Variants in ALDH5A1 observed in about 807,000 individuals in gnomAD.
ALDH5A1 encodes the protein succinate-semialdehyde dehydrogenase, mitochondrial.
A neutral mutation model predicts 54.7 loss-of-function variants in ALDH5A1; 33 were observed. That is an observed-to-expected ratio of 0.60 (90% confidence interval 0.46 to 0.81). The LOEUF (loss-of-function observed/expected upper bound fraction) is 0.81, where lower values mean the gene tolerates loss of function less well. ALDH5A1 is among the 30% of genes least tolerant of loss of function. The pLI is 0.00. For synonymous variants in ALDH5A1, 294 were observed against 292.7 expected (o/e 1.00, Z -0.05); for missense variants, 657 against 711.0 (o/e 0.92, Z 0.86).
In ALDH5A1 at chr6:24,518,344, T is replaced by C. The variant is rs1368686539; in HGVS notation, c.871-2057T>C. On this transcript the variant is annotated intron_variant, in intron 5 of 9. Transcript: ENST00000357578. This position sits in a 1 kb window ranked among gnomAD's most constrained non-coding sequence, Gnocchi z 4.2. ...TAAGACATGACAGGAGTTTACACTA[T>C]ACCCAGTGGCCAGGGCAAGCCGCCT... Among the ~76,000 whole-genome samples, 2 of 152,164 alleles carry C rather than the reference T, an allele frequency of 1.3e-5. No homozygotes were observed. The highest frequency in any genetic ancestry group is 2.9e-5 in the Non-Finnish European group (2 of 68,028).
intron 6 of ALDH5A1, among the ~76,000 whole-genome samples, chr6:24,522,382 C>T (rs545050860): frequency 6.6e-6 from 1 of 151,094 alleles, no homozygotes; most frequent in Middle Eastern, 3.4e-3. Context: ...ATCACAGTCT[C>T]CTAGGAGAAT....
intron 4 of ALDH5A1, among the ~76,000 whole-genome samples, chr6:24,511,292 G>A (rs948076870): frequency 4.6e-5 from 7 of 152,278 alleles, no homozygotes; most frequent in African/African-American, 1.2e-4. Context: ...TGATGACAGC[G>A]TGCCTAGGGG....
chr6:24,512,581 T>C (rs1222594710), intron 4 of ALDH5A1, among the ~76,000 whole-genome samples: 1 of 152,260 alleles, frequency 6.6e-6, no homozygotes, highest in East Asian at 1.9e-4. Flanking sequence ...CCTCAGTTCA[T>C]GTTGGTTGTT....
At position 24,495,337 on chromosome 6, in the gene ALDH5A1, A is replaced by T; in HGVS notation, c.341A>T (p.Glu114Val). 6.5e-7 allele frequency: 1 copy of T among 1,532,650 alleles called. No homozygotes were observed. The highest frequency in any genetic ancestry group is 8.7e-7 in the Non-Finnish European group (1 of 1,146,228). The allele number at this position is 1,532,650 out of a possible 1,614,324, so 94.9% of individuals were successfully genotyped here. ...TACGAGGCTTTCTGCCGCTGGAGGG[A>T]GGTCTCCGCCAAGGTGAGAGAGCCC... ...AAYEAFCRWR[E>V]VSAKERSSLL... Residue 114 changes from glutamate to valine, a missense_variant, in exon 1 of 10, where the codon GAG (glutamate) becomes GTG (valine). Physicochemically the swap from Glu to Val is moderately radical, Grantham distance 121 (BLOSUM62 -2). Around this residue, in one of 2 missense-constraint regions of ALDH5A1, gnomAD observed 232 missense variants for 194.6 expected, o/e 1.19. Coordinates refer to ENST00000357578, the MANE Select transcript of ALDH5A1 (RefSeq NM_001080.3).
intron 4 of ALDH5A1, among the ~76,000 whole-genome samples, chr6:24,505,677 A>G (rs1759324674): frequency 6.6e-6 from 1 of 151,976 alleles, no homozygotes; most frequent in Non-Finnish European, 1.5e-5. Flanking sequence ...CTGTCTAAAA[A>G]TCACAATTTG....
chr6:24,534,181 C>A lies in ALDH5A1; in HGVS notation c.*469C>A. 5.3e-6 allele frequency: 1 copy of A among 189,262 alleles called. No homozygotes were observed. Among genetic ancestry groups the A allele is most frequent in the Non-Finnish European group, 1.1e-5 (1 of 89,144 alleles). 11.7% of individuals were successfully genotyped at this position (189,262 alleles called of 1,614,324 possible). A position where few individuals can be genotyped will look rare whatever the true frequency, so the allele number is the denominator to read the frequency against. On this transcript the variant is annotated 3_prime_UTR_variant, in exon 10 of 10. Transcript: ENST00000357578. ...CACCCCTCCCCGGCATCTGCCAGCT[C>A]AGCACAGAAGACACCGAATGTGCAT...
At chr6:24,514,448 G>A (rs1020540580) in intron 4 of ALDH5A1, among the ~76,000 whole-genome samples, 8 of 152,126 alleles carry the variant, frequency 5.3e-5, no homozygotes, top group African/African-American at 1.9e-4. Context: ...GCATTGAAAT[G>A]CATGCTCTGG....
At chr6:24,520,819 C>A (rs555323214) in intron 6 of ALDH5A1, among the ~76,000 whole-genome samples, 36 of 152,292 alleles carry the variant, frequency 2.4e-4, no homozygotes, top group African/African-American at 8.7e-4. Flanking sequence ...GGGGCCCCCC[C>A]AAAATAAGGT....
intron 1 of ALDH5A1, among the ~76,000 whole-genome samples, chr6:24,501,875 TTATATATA>T (rs59853869): frequency 0.018 from 2,584 of 144,216 alleles, 28 homozygotes; most frequent in South Asian, 0.03. Flanking sequence ...AACCAATGTT[TTATATATA>T]TATATATATA....
chr6:24,513,845 T>A (rs913004930), intron 4 of ALDH5A1, among the ~76,000 whole-genome samples: 1 of 152,262 alleles, frequency 6.6e-6, no homozygotes, highest in Non-Finnish European at 1.5e-5. Flanking sequence ...GGTGCTGATA[T>A]GACGGTCAGG....
Position 24,515,223 on chromosome 6 carries a change from A to G in ALDH5A1, c.783A>G (p.Arg261=), listed in dbSNP as rs761068786. The G allele has an allele frequency of 2.0e-5, 32 of 1,612,926 alleles. No homozygotes were observed. Among genetic ancestry groups the G allele is most frequent in the South Asian group, 3.3e-5 (3 of 91,060 alleles). Residue 261 remains arginine (R), a synonymous_variant, in exon 5 of 10, where the codon CGA becomes CGG. Coordinates refer to ENST00000357578, the MANE Select transcript of ALDH5A1 (RefSeq NM_001080.3). ...TATACAATGTTATTCCCTGTTCTCG[A>G]AAGAATGCCAAGGAAGTAGGGGAGG... ...SGVYNVIPCS[R]KNAKEVGEAI...
chr6:24,506,243 C>CTTTTTTTTTTTTTTTTTTTTTTT lies in ALDH5A1; in HGVS notation c.726+1266_726+1288dup, dbSNP rs70974913. 6.9e-4 allele frequency among the ~76,000 whole-genome samples: 36 copies of CTTTTTTTTTTTTTTTTTTTTTTT among 52,160 alleles called. 10 individuals are homozygous for CTTTTTTTTTTTTTTTTTTTTTTT. Among genetic ancestry groups the CTTTTTTTTTTTTTTTTTTTTTTT allele is most frequent in the Admixed American group, 1.4e-3 (4 of 2,908 alleles). 34.2% of individuals were successfully genotyped at this position (52,160 alleles called of 152,430 possible). On this transcript the variant is annotated intron_variant, in intron 4 of 9. Transcript: ENST00000357578. ...TCTGCACCTCCTTCTTTCCTGGTTC[C>CTTTTTTTTTTTTTTTTTTTTTTT]TTTTTTTTTTTTTTTTTTTTTTTTT...
chr6:24,511,944 T>C, intron 4 of ALDH5A1: 6 of 532,618 alleles, frequency 1.1e-5, no homozygotes, highest in Non-Finnish European at 2.0e-5. Flanking sequence ...TTCTGGTTTC[T>C]TCTTATTGGG....
intron 7 of ALDH5A1, among the ~76,000 whole-genome samples, chr6:24,526,189 A>T (rs867221949): frequency 5.3e-5 from 8 of 152,142 alleles, no homozygotes; most frequent in Admixed American, 1.3e-4. Context: ...ACACTGCTGG[A>T]GCTGAGAAGG....
intron 1 of ALDH5A1, among the ~76,000 whole-genome samples, chr6:24,497,783 A>G (rs1764743561): frequency 6.6e-6 from 1 of 152,138 alleles, no homozygotes; most frequent in African/African-American, 2.4e-5. Flanking sequence ...CCTGTGAGTT[A>G]TTCTAAGGAC....
chr6:24,533,611 C>T lies in ALDH5A1; in HGVS notation c.1507C>T (p.Pro503Ser). The T allele has an allele frequency of 1.2e-6, 2 of 1,613,966 alleles. No individual in the cohort carries two copies. The highest frequency in any genetic ancestry group is 1.7e-6 in the Non-Finnish European group (2 of 1,179,978). The stretch of plus-strand genomic sequence containing the variant: ...AGGATTAATTTCCTCTGTGGAGTGC[C>T]CTTTTGGTGGAGTGAAGCAGTCCGG... The part of the protein sequence containing the change: ...NEGLISSVEC[P>S]FGGVKQSGLG... Residue 503 changes from proline (P) to serine (S), a missense_variant, in exon 10 of 10, where the codon CCT (proline) becomes TCT (serine). Transcript: ENST00000357578.
Position 24,504,885 on chromosome 6 carries a change from C to T in ALDH5A1, c.626C>T (p.Ala209Val). Residue 209 changes from alanine to valine, a missense_variant, in exon 4 of 10, where the codon GCC becomes GTC. Physicochemically the swap from Ala to Val is moderately conservative, Grantham distance 64. Around this residue, in one of 2 missense-constraint regions of ALDH5A1, gnomAD observed 425 missense variants for 516.4 expected, o/e 0.82. Coordinates refer to ENST00000357578, the MANE Select transcript of ALDH5A1 (RefSeq NM_001080.3). ...AVITPWNFPS[A>V]MITRKVGAAL... The stretch of plus-strand genomic sequence containing the variant: ...TAACCCCAGTGGAATTTCCCCAGTG[C>T]CATGATCACCCGGAAGGTGGGGGCC... 1 of 1,614,206 alleles carries T rather than the reference C, an allele frequency of 6.2e-7. No individual in the cohort carries two copies. The highest frequency in any genetic ancestry group is 8.5e-7 in the Non-Finnish European group (1 of 1,180,022).
intron 3 of ALDH5A1, among the ~76,000 whole-genome samples, chr6:24,503,877 G>T (rs1270578098): frequency 1.3e-5 from 2 of 152,178 alleles, no homozygotes; most frequent in Admixed American, 1.3e-4. Flanking sequence ...CCACTAGCAG[G>T]CACTGGGCCA....
Position 24,533,926 on chromosome 6 carries a change from C to G in ALDH5A1, c.*214C>G, listed in dbSNP as rs1759988450. On this transcript the variant is annotated 3_prime_UTR_variant, in exon 10 of 10. Transcript: ENST00000357578. ...GCCACGTGCCTGTGGCTGCAGACTC[C>G]CAGAGAACCAGCACTGGGTTTACAG... 1 of 515,840 alleles carries G rather than the reference C, an allele frequency of 1.9e-6. No homozygotes were observed. The highest frequency in any genetic ancestry group is 1.9e-5 in the African/African-American group (1 of 51,762). The allele number at this position is 515,840 out of a possible 1,614,324, so 32.0% of individuals were successfully genotyped here. A position where few individuals can be genotyped will look rare whatever the true frequency, so the allele number is the denominator to read the frequency against.
Sources: gnomAD v4.1 joint callset for allele counts (sites outside exome capture counted in the v4.1 genomes callset) on GRCh38, gnomAD v4.1.1 for gene constraint, gnomAD v4.1.1 regional missense constraint, Gnocchi (gnomAD v3.1) non-coding constraint, MANE v1.5 for transcripts, NCBI Gene and HGNC (gene_info 2026-07-23, HGNC 2026-07-21) for gene names.